IQCK: variants seen among roughly 807,000 people sequenced by gnomAD.
IQCK encodes the protein IQ domain-containing protein K.
A neutral mutation model predicts 28.1 loss-of-function variants in IQCK; 29 were observed. That is an observed-to-expected ratio of 1.03 (90% CI 0.77 to 1.41). The LOEUF is 1.41. Among genes scored for constraint, IQCK ranks in the 40% most tolerant of loss-of-function variants. The pLI is 0.00. For synonymous variants in IQCK, 113 were observed against 115.1 expected (o/e 0.98, Z 0.12); for missense variants, 359 against 314.7 (o/e 1.14, Z -1.07).
intron 6 of IQCK, among the ~76,000 whole-genome samples, chr16:19,784,047 G>A (rs1387875310): frequency 1.3e-5 from 2 of 152,106 alleles, no homozygotes; most frequent in African/African-American, 4.8e-5. Flanking sequence ...GAACAGAAAG[G>A]CGCTATCAAA....
At chr16:19,857,451 T>C (rs1327222771) in exon 10 of IQCK, 1 of 441,392 alleles carries the variant, frequency 2.3e-6, no homozygotes, top group Non-Finnish European at 4.5e-6. Context: ...TTCTTTTTTA[T>C]AAGTATGCAA....
At chr16:19,855,088 A>T (rs1597617251) in intron 9 of IQCK, among the ~76,000 whole-genome samples, 1 of 152,194 alleles carries the variant, frequency 6.6e-6, no homozygotes, top group East Asian at 1.9e-4. Flanking sequence ...GAAAATAAGG[A>T]GACTCTGAGG....
chr16:19,833,662 G>A (rs1186553889), intron 9 of IQCK, among the ~76,000 whole-genome samples: 1 of 152,170 alleles, frequency 6.6e-6, no homozygotes, highest in Non-Finnish European at 1.5e-5. Flanking sequence ...CCAGAGTAGA[G>A]GGTGGAGACC....
chr16:19,758,038 G>A (rs1302935586), intron 4 of IQCK, among the ~76,000 whole-genome samples: 1 of 152,124 alleles, frequency 6.6e-6, no homozygotes, highest in African/African-American at 2.4e-5. Context: ...CCTTGTTAGA[G>A]GCTGCCTTAA....
intron 4 of IQCK, among the ~76,000 whole-genome samples, chr16:19,758,496 C>T (rs140747443): frequency 8.2e-4 from 125 of 152,314 alleles, no homozygotes; most frequent in African/African-American, 2.5e-3. Flanking sequence ...ATCTTTACCA[C>T]TAAATGATGT....
rs373067649 is a variant in IQCK, at chr16:19,801,988, C to T, written c.690+13066C>T. 9.9e-5 allele frequency among the ~76,000 whole-genome samples: 14 copies of T among 141,314 alleles called. 1 individual carries two copies. In the South Asian group the frequency reaches 1.9e-3, roughly 20 times the overall value. The allele number at this position is 141,314 out of a possible 152,430, so 92.7% of individuals were successfully genotyped here. Reference sequence around the variant, plus strand: ...TCCTCCCATATTTTTCTACAAAAAGCGGAAATTACAACTTAAGGCTCAGCA... The same window carrying T: ...TCCTCCCATATTTTTCTACAAAAAGTGGAAATTACAACTTAAGGCTCAGCA... On this transcript the variant is annotated intron_variant, in intron 7 of 7. Coordinates refer to ENST00000564186, the Ensembl canonical transcript of IQCK.
At chr16:19,767,071 G>A (rs1268285968) in intron 6 of IQCK, among the ~76,000 whole-genome samples, 2 of 152,222 alleles carry the variant, frequency 1.3e-5, no homozygotes, top group African/African-American at 4.8e-5. Flanking sequence ...GCATGCAACA[G>A]GGGGATGTGG....
chr16:19,751,009 T>G (rs1211820806), intron 4 of IQCK, among the ~76,000 whole-genome samples: 2 of 151,828 alleles, frequency 1.3e-5, no homozygotes. Flanking sequence ...TGGAGTTAGG[T>G]GGGCTTGAAT....
At chr16:19,775,161 A>C (rs138827052) in intron 6 of IQCK, among the ~76,000 whole-genome samples, 3 of 147,938 alleles carry the variant, frequency 2.0e-5, no homozygotes, top group Non-Finnish European at 4.5e-5. Flanking sequence ...CGGGAGGTGG[A>C]GATTGCAGTG....
chr16:19,830,844 A>G (rs559065921), downstream of IQCK, among the ~76,000 whole-genome samples: 63 of 152,204 alleles, frequency 4.1e-4, no homozygotes, highest in Non-Finnish European at 8.1e-4. Context: ...ATTATAAGAG[A>G]TGATGATCTT....
At chr16:19,735,391 G>C (rs764617139) in exon 4 of IQCK, 1 of 1,614,086 alleles carries the variant, frequency 6.2e-7, no homozygotes, top group Admixed American at 1.7e-5. Flanking sequence ...CATCTTTCCT[G>C]TTCTGCTTCC....
exon 8 of IQCK, chr16:19,827,030 G>A (rs762042233): frequency 1.9e-6 from 3 of 1,610,962 alleles, no homozygotes; most frequent in East Asian, 2.2e-5. Flanking sequence ...TTCCAGGTTC[G>A]CTGTGATCCT....
chr16:19,761,757 A>G, intron 4 of IQCK: 1 of 228,240 alleles, frequency 4.4e-6, no homozygotes, highest in Non-Finnish European at 8.8e-6. Flanking sequence ...GTGGTTTACT[A>G]GGTATCTATC....
chr16:19,820,648 CA>C (rs35161795), intron 7 of IQCK, among the ~76,000 whole-genome samples: 1,289 of 109,056 alleles, frequency 0.012, 5 homozygotes, highest in Middle Eastern at 0.045. Flanking sequence ...AACTCTGTAT[CA>C]AAAAAAAAAA....
intron 4 of IQCK, among the ~76,000 whole-genome samples, chr16:19,758,995 T>C (rs1029376604): frequency 6.6e-6 from 1 of 152,160 alleles, no homozygotes; most frequent in African/African-American, 2.4e-5. Context: ...AAAAAAATTA[T>C]GGAAACATTT....
intron 4 of IQCK, among the ~76,000 whole-genome samples, chr16:19,752,454 T>G (rs2054999225): frequency 6.6e-6 from 1 of 152,248 alleles, no homozygotes; most frequent in African/African-American, 2.4e-5. Context: ...TATGCAGAGC[T>G]AAGATTTCCT....
chr16:19,742,116 TCA>T (rs1203559819), intron 4 of IQCK, among the ~76,000 whole-genome samples: 2 of 152,166 alleles, frequency 1.3e-5, no homozygotes, highest in Non-Finnish European at 2.9e-5. Context: ...TCCGTGAGCC[TCA>T]GTTTCCTCAA....
At chr16:19,773,358 G>A (rs193004366) in intron 6 of IQCK, among the ~76,000 whole-genome samples, 3 of 152,256 alleles carry the variant, frequency 2.0e-5, no homozygotes, top group Admixed American at 1.3e-4. Context: ...ATTCTCTTAT[G>A]TTAGTCTCAG....
chr16:19,753,942 C>T lies in IQCK; in HGVS notation c.475-9906C>T, dbSNP rs942682072. Among the ~76,000 whole-genome samples, 4 of 152,194 alleles carry T rather than the reference C, an allele frequency of 2.6e-5. No individual in the cohort carries two copies. The South Asian group carries it at 6.2e-4, about 24-fold the overall frequency. The stretch of plus-strand genomic sequence containing the variant: ...AGGAAAGCAAAGGAAATTAACTTCC[C>T]AGAAGCTCCAGCACACCTCCCCTGA... On this transcript the variant is annotated intron_variant, in intron 4 of 7. Transcript: ENST00000564186.
Sources: gnomAD v4.1 joint callset for allele counts (sites outside exome capture counted in the v4.1 genomes callset) on GRCh38, gnomAD v4.1.1 for gene constraint, MANE v1.5 for transcripts, NCBI Gene and HGNC (gene_info 2026-07-23, HGNC 2026-07-21) for gene names.